Variants in NOS3 observed in about 807,000 individuals in gnomAD.
NOS3 encodes the protein NOS type III.
A neutral mutation model predicts 144.9 loss-of-function variants in NOS3; 98 were observed. That is an observed-to-expected ratio of 0.68 (90% confidence interval 0.57 to 0.80). The LOEUF (loss-of-function observed/expected upper bound fraction) is 0.80. Among genes scored for constraint, NOS3 ranks in the 30% least tolerant of loss-of-function variants. The probability of loss-of-function intolerance (pLI) is 0.00; values close to 1 mark genes in which losing one functional copy is unlikely to be tolerated. For synonymous variants in NOS3, 714 were observed against 702.4 expected (o/e 1.02, Z -0.26); for missense variants, 1,465 against 1,656.4 (o/e 0.88, Z 2.01).
At position 151,008,999 on chromosome 7, in the gene NOS3, C is replaced by A. The variant is rs769049011; in HGVS notation, c.2182C>A (p.Arg728=). The change falls in exon 18 of 27, where the codon CGG becomes AGG. Residue 728 remains arginine (R), a synonymous_variant. Coordinates refer to ENST00000297494, the MANE Select transcript of NOS3 (RefSeq NM_000603.5). ...CGCCCGAGACATCTTCAGCCCCAAACGGAGCTGGAAGCGCCAGAGGTACCG... is the reference window on the plus strand; with the variant it reads ...CGCCCGAGACATCTTCAGCCCCAAAAGGAGCTGGAAGCGCCAGAGGTACCG... ...AAARDIFSPK[R]SWKRQRYRLS... is the part of the protein sequence containing the mutation. The A allele has an allele frequency of 2.5e-6, 4 of 1,611,890 alleles. No homozygotes were observed. Among genetic ancestry groups the A allele is most frequent in the South Asian group, 2.2e-5 (2 of 90,730 alleles).
chr7:151,003,548 C>T lies in NOS3; in HGVS notation c.1752+1244C>T. ...GCACCAGCAATTGACTTTTTTTTAG[C>T]ATAAAGGTGTATAGACACCCATATA... On this transcript the variant is annotated intron_variant, in intron 14 of 26. Coordinates refer to ENST00000297494, the MANE Select transcript of NOS3 (RefSeq NM_000603.5). The surrounding 1 kb of genome is among the most constrained non-coding windows in gnomAD (Gnocchi z 4.1). 7.8e-7 allele frequency: 1 copy of T among 1,286,138 alleles called. No homozygotes were observed. Among genetic ancestry groups the T allele is most frequent in the Non-Finnish European group, 1.0e-6 (1 of 978,392 alleles). The allele number at this position is 1,286,138 out of a possible 1,614,324, so 79.7% of individuals were successfully genotyped here.
chr7:151,013,544 C>A, intron 25 of NOS3, 165 bp downstream of exon 25: 2 of 1,069,798 alleles, frequency 1.9e-6, no homozygotes, highest in Middle Eastern at 3.1e-4. Flanking sequence ...CCCTCTAGGC[C>A]CGCCTCCTCC....
Position 151,013,276 on chromosome 7 carries a change from C to T in NOS3, c.3152C>T (p.Ser1051Phe). 6.2e-7 allele frequency: 1 copy of T among 1,614,054 alleles called. No homozygotes were observed. Among genetic ancestry groups the T allele is most frequent in the Non-Finnish European group, 8.5e-7 (1 of 1,180,006 alleles). ...PMTLVFGCRC[S>F]QLDHLYRDEV... ...ACTTTGGTGTTCGGCTGCCGATGCT[C>T]CCAACTTGACCATCTCTACCGCGAC... The change falls in exon 25 of 27, where the codon TCC becomes TTC. Residue 1051 changes from serine to phenylalanine, a missense_variant. Ser to Phe is a radical substitution (Grantham distance 155, BLOSUM62 -2). Transcript: ENST00000297494.
intron 1 of NOS3, among the ~76,000 whole-genome samples, chr7:150,992,154 A>AAC (rs969230044): frequency 6.6e-6 from 1 of 151,326 alleles, no homozygotes; most frequent in African/African-American, 2.4e-5. Flanking sequence ...GTCTAAAAAA[A>AAC]AAAAAAAGAC....
In NOS3 at chr7:151,013,992, T is replaced by G; in HGVS notation, c.3451-16T>G. 1 of 1,610,964 alleles carries G rather than the reference T, an allele frequency of 6.2e-7. No individual in the cohort carries two copies. Among genetic ancestry groups the G allele is most frequent in the East Asian group, 2.2e-5 (1 of 44,768 alleles). ...CTCCGAGTCGGGTTCTGATCCACTGTGCTCTTTTCCGACAGGATCAGCAAC... is the reference window on the plus strand; with the variant it reads ...CTCCGAGTCGGGTTCTGATCCACTGGGCTCTTTTCCGACAGGATCAGCAAC... On this transcript the variant is annotated splice_polypyrimidine_tract_variant and intron_variant, in intron 26 of 26. Transcript: ENST00000297494.
At position 151,007,292 on chromosome 7, in the gene NOS3, C is replaced by A. The variant is rs889002180; in HGVS notation, c.2112+16C>A. 1 of 1,583,600 alleles carries A rather than the reference C, an allele frequency of 6.3e-7. No homozygotes were observed. Among genetic ancestry groups the A allele is most frequent in the South Asian group, 1.1e-5 (1 of 88,750 alleles). On this transcript the variant is annotated intron_variant, in intron 17 of 26. Coordinates refer to ENST00000297494, the MANE Select transcript of NOS3 (RefSeq NM_000603.5). ...TGCCTTCCAGGTGAGCCCAGCCCAG[C>A]CCCTGCTCTGACTCCTGCCCCCTGG...
intron 21 of NOS3, 116 bp from the exon 22 acceptor site, chr7:151,010,481 T>C: frequency 1.7e-6 from 2 of 1,183,206 alleles, no homozygotes; most frequent in East Asian, 5.1e-5. Context: ...GAAAACTCTA[T>C]TGGCCTGAAC....
At position 150,998,365 on chromosome 7, in the gene NOS3, T is replaced by C. The variant is rs1479266087; in HGVS notation, c.591T>C (p.Asp197=). 2 of 1,611,890 alleles carry C rather than the reference T, an allele frequency of 1.2e-6. No individual in the cohort carries two copies. The highest frequency in any genetic ancestry group is 4.5e-5 in the East Asian group (2 of 44,880). ...TGCCTCGGCTGGCTCAGGTGTTCGA[T>C]GCCCGGGACTGCAGGTCTGCACAGG... is the stretch of plus-strand genomic sequence containing the variant. The part of the protein sequence containing the change: ...RIQWGKLQVF[D]ARDCRSAQEM... Residue 197 remains aspartate, a synonymous_variant, in exon 6 of 27, where the codon GAT becomes GAC. Coordinates refer to ENST00000297494, the MANE Select transcript of NOS3 (RefSeq NM_000603.5). The surrounding 1 kb of genome is among the most constrained non-coding windows in gnomAD (Gnocchi z 5.0).
chr7:151,013,713 C>A lies in NOS3; in HGVS notation c.3256-11C>A, dbSNP rs752118298. On this transcript the variant is annotated splice_polypyrimidine_tract_variant and intron_variant, in intron 25 of 26. Coordinates refer to ENST00000297494, the MANE Select transcript of NOS3 (RefSeq NM_000603.5). The stretch of plus-strand genomic sequence containing the variant: ...CCCACCAGGGCCCGCCCTAACCCCG[C>A]CGCCCCGCAGACCTACGTGCAGGAC... The A allele has an allele frequency of 1.3e-6, 2 of 1,582,806 alleles. No homozygotes were observed. Among genetic ancestry groups the A allele is most frequent in the Non-Finnish European group, 1.7e-6 (2 of 1,165,786 alleles).
rs1359984100 is a variant in NOS3 at position 151,010,603 on chromosome 7, C to T, written c.2692C>T (p.Arg898Ter). Residue 898 changes from arginine to a stop codon, truncating the protein, a stop_gained, in exon 22 of 27, where the codon CGA becomes TGA. Coordinates refer to ENST00000297494, the MANE Select transcript of NOS3 (RefSeq NM_000603.5). LOFTEE classifies it high-confidence loss of function. ...QELEALSQDP[R>*]RYEEWKWFRC... ...CTGCATCCTGCCCCGCCAGGATCCC[C>T]GACGCTACGAGGAGTGGAAGTGGTT... is the stretch of plus-strand genomic sequence containing the variant. The T allele has an allele frequency of 1.9e-6, 3 of 1,588,050 alleles. No individual in the cohort carries two copies. Among genetic ancestry groups the T allele is most frequent in the Non-Finnish European group, 2.6e-6 (3 of 1,166,566 alleles).
Position 150,996,823 on chromosome 7 carries a change from A to G in NOS3, c.480A>G (p.Thr160=). ...AGGTGGAAGCCGAGGTGGCAGCCAC[A>G]GGCACCTACCAGCTTAGGGAGAGCG... ...LQEVEAEVAA[T]GTYQLRESEL... is the part of the protein sequence containing the mutation. Residue 160 remains threonine (T), a synonymous_variant, in exon 5 of 27, where the codon ACA becomes ACG. Transcript: ENST00000297494. 2 of 1,610,996 alleles carry G rather than the reference A, an allele frequency of 1.2e-6. No homozygotes were observed. The highest frequency in any genetic ancestry group is 1.7e-6 in the Non-Finnish European group (2 of 1,179,398).
intron 2 of NOS3, among the ~76,000 whole-genome samples, chr7:150,994,728 G>A (rs961703622): frequency 2.7e-4 from 41 of 152,276 alleles, no homozygotes; most frequent in Non-Finnish European, 7.4e-5. Flanking sequence ...CCTCCCTGCC[G>A]CTGGTGGCTC....
intron 17 of NOS3, 179 bp from the exon 18 acceptor site, chr7:151,008,751 T>C: frequency 3.1e-6 from 2 of 646,968 alleles, no homozygotes; most frequent in Non-Finnish European, 5.1e-6. Context: ...GCCGGGTCCC[T>C]GGGCCCAGCG....
chr7:150,999,047 C>A lies in NOS3; in HGVS notation c.918C>A (p.Pro306=), dbSNP rs1471898905. The A allele has an allele frequency of 4.3e-6, 7 of 1,612,508 alleles. No homozygotes were observed. The highest frequency in any genetic ancestry group is 4.0e-5 in the African/African-American group (3 of 74,916). Residue 306 remains proline, a synonymous_variant, in exon 8 of 27, where the codon CCC becomes CCA. Coordinates refer to ENST00000297494, the MANE Select transcript of NOS3 (RefSeq NM_000603.5). ...PDDPPELFLL[P]PELVLEVPLE... is the part of the protein sequence containing the mutation. ...ATCCCCCAGAACTCTTCCTTCTGCCCCCCGAGCTGGTCCTTGAGGTGCCCC... is the reference window on the plus strand; with the variant it reads ...ATCCCCCAGAACTCTTCCTTCTGCCACCCGAGCTGGTCCTTGAGGTGCCCC...
chr7:150,996,685 T>A (rs1802433785), intron 4 of NOS3, 78 bp from the exon 5 acceptor site: 3 of 1,518,584 alleles, frequency 2.0e-6, no homozygotes, highest in Non-Finnish European at 2.7e-6. Flanking sequence ...CCCCCAGCAC[T>A]TGCACAAAGC....
Position 151,010,597 on chromosome 7 carries a change from G to T in NOS3, c.2686G>T (p.Asp896Tyr), listed in dbSNP as rs1203117633. 1.3e-6 allele frequency: 2 copies of T among 1,582,132 alleles called. No homozygotes were observed. Among genetic ancestry groups the T allele is most frequent in the Non-Finnish European group, 1.7e-6 (2 of 1,163,436 alleles). Residue 896 changes from aspartate (D) to tyrosine (Y), a missense_variant and splice_region_variant, in exon 22 of 27, where the codon GAT becomes TAT. By Grantham distance (160) the Asp-to-Tyr change is radical (BLOSUM62 -3). Coordinates refer to ENST00000297494, the MANE Select transcript of NOS3 (RefSeq NM_000603.5). ...EQQELEALSQDPRRYEEWKWF... is the reference protein window; with the variant it reads ...EQQELEALSQYPRRYEEWKWF... ...AACCCACTGCATCCTGCCCCGCCAG[G>T]ATCCCCGACGCTACGAGGAGTGGAA... is the stretch of plus-strand genomic sequence containing the variant.
At position 151,002,226 on chromosome 7, in the gene NOS3, G is replaced by T; in HGVS notation, c.1674G>T (p.Val558=). The T allele has an allele frequency of 6.3e-7, 1 of 1,599,418 alleles. No homozygotes were observed. The highest frequency in any genetic ancestry group is 8.5e-7 in the Non-Finnish European group (1 of 1,172,670). The change falls in exon 14 of 27, where the codon GTG becomes GTT. Residue 558 remains valine, a synonymous_variant. Transcript: ENST00000297494. The surrounding 1 kb of genome is among the most constrained non-coding windows in gnomAD (Gnocchi z 4.1). ...TCCTGTGTATGGATGAGTATGACGT[G>T]GTGTCCCTCGAACACGAGACGCTGG... ...PRVLCMDEYD[V]VSLEHETLVL...
At chr7:151,013,404 G>GTAAC in intron 25 of NOS3, 25 bp downstream of exon 25, 2 of 1,599,960 alleles carry the variant, frequency 1.3e-6, no homozygotes, top group Non-Finnish European at 1.7e-6. Flanking sequence ...GGGCGCAATG[G>GTAAC]TAACCTGAAG....
At position 151,002,151 on chromosome 7, in the gene NOS3, G is replaced by A; in HGVS notation, c.1648-49G>A. 1.4e-6 allele frequency: 2 copies of A among 1,421,114 alleles called. No homozygotes were observed. The highest frequency in any genetic ancestry group is 1.9e-5 in the Admixed American group (1 of 52,038). 88.0% of individuals were successfully genotyped at this position (1,421,114 alleles called of 1,614,324 possible). A position where few individuals can be genotyped will look rare whatever the true frequency, so the allele number is the denominator to read the frequency against. On this transcript the variant is annotated intron_variant, in intron 13 of 26. Transcript: ENST00000297494. This position sits in a 1 kb window ranked among gnomAD's most constrained non-coding sequence, Gnocchi z 4.1. ...CAGGGAGGCCAGAGTGAGGAGGGCA[G>A]GGCCTCCGGGGGCCACAGCACCCAG...
Sources: allele counts gnomAD v4.1 joint callset (sites outside exome capture counted in the v4.1 genomes callset), GRCh38; gene constraint gnomAD v4.1.1; non-coding constraint Gnocchi (gnomAD v3.1); transcripts MANE v1.5; gene names NCBI Gene and HGNC (gene_info 2026-07-23, HGNC 2026-07-21).